The following RAB38 variants were observed in gnomAD, a reference collection of about 807,000 sequenced individuals.
RAB38 encodes ras-related protein Rab-38.
In RAB38, 15 loss-of-function variants were observed where a neutral mutation model predicts 18.4. That is an observed-to-expected ratio of 0.82 (90% confidence interval 0.55 to 1.26). The LOEUF is 1.26. Ranked by LOEUF, RAB38 falls within the 50% of genes most tolerant of loss-of-function variation. The probability of loss-of-function intolerance (pLI) is 0.00; values close to 1 mark genes in which losing one functional copy is unlikely to be tolerated. For missense variants in RAB38, 294 were observed against 267.4 expected (o/e 1.10, Z -0.69); for synonymous variants, 101 against 104.4 (o/e 0.97, Z 0.20).
chr11:87,902,621 C>A, the RAB38 span, among the ~76,000 whole-genome samples: 2 of 151,308 alleles, frequency 1.3e-5, no homozygotes, highest in African/African-American at 4.8e-5. Context: ...ATCAACAATA[C>A]CTGTGTTGAA....
chr11:87,944,903 C>G, the RAB38 span, among the ~76,000 whole-genome samples: 2 of 152,112 alleles, frequency 1.3e-5, no homozygotes, highest in Admixed American at 6.6e-5. Flanking sequence ...GGTAGAAAAT[C>G]TGACAAATCA....
At chr11:88,027,996 C>A in the RAB38 span, among the ~76,000 whole-genome samples, 1 of 152,324 alleles carries the variant, frequency 6.6e-6, no homozygotes, top group African/African-American at 2.4e-5. Flanking sequence ...GGCAGACTGA[C>A]ACCTCACTCG....
At position 88,128,149 on chromosome 11, in the gene RAB38, CTT is replaced by C. The variant is rs1266395247; in HGVS notation, c.484-14011_484-14010del. ...GGACAGGGAATTAGGAGACTTGAGT[CTT>C]AGCCCTGATGTTGCTACAAACTATC... is the stretch of plus-strand genomic sequence containing the variant. On this transcript the variant is annotated intron_variant, in intron 2 of 2. Transcript: ENST00000243662. 2.0e-5 allele frequency among the ~76,000 whole-genome samples: 3 copies of C among 152,334 alleles called. No homozygotes were observed. In the East Asian group the frequency reaches 5.8e-4, roughly 29 times the overall value.
chr11:87,855,980 T>C, the RAB38 span, among the ~76,000 whole-genome samples: 3 of 152,188 alleles, frequency 2.0e-5, no homozygotes, highest in Non-Finnish European at 2.9e-5. Context: ...CGGTGTTCCT[T>C]AAACTTTTTT....
At chr11:87,937,964 A>G in the RAB38 span, among the ~76,000 whole-genome samples, 1,094 of 146,998 alleles carry the variant, frequency 7.4e-3, 43 homozygotes, top group East Asian at 0.093. Flanking sequence ...TCTGTTGAAT[A>G]TCTTTTTTAT....
chr11:88,081,047 T>C, the RAB38 span, among the ~76,000 whole-genome samples: 9 of 151,890 alleles, frequency 5.9e-5, no homozygotes, highest in African/African-American at 1.4e-4. Context: ...ATTTAAAGAT[T>C]CTCATAATTA....
the RAB38 span, among the ~76,000 whole-genome samples, chr11:87,942,945 T>G: frequency 6.6e-6 from 1 of 152,200 alleles, no homozygotes. Context: ...CATCTTTGTT[T>G]TATTCCTTTA....
At chr11:88,158,823 C>T (rs913420169) in intron 1 of RAB38, among the ~76,000 whole-genome samples, 1 of 151,902 alleles carries the variant, frequency 6.6e-6, no homozygotes, top group African/African-American at 2.4e-5. Flanking sequence ...ACTAAAGAGG[C>T]AAAAAGTAGA....
the RAB38 span, among the ~76,000 whole-genome samples, chr11:87,837,904 A>C: frequency 2.6e-5 from 4 of 152,164 alleles, no homozygotes; most frequent in Non-Finnish European, 4.4e-5. Flanking sequence ...TTGACATATA[A>C]GATTCCAAAT....
chr11:88,072,130 T>C, the RAB38 span, among the ~76,000 whole-genome samples: 1 of 152,224 alleles, frequency 6.6e-6, no homozygotes, highest in Non-Finnish European at 1.5e-5. Flanking sequence ...CAATGATTCA[T>C]ATGCTGGAAA....
the RAB38 span, among the ~76,000 whole-genome samples, chr11:87,885,479 T>C: frequency 6.6e-6 from 1 of 152,024 alleles, no homozygotes; most frequent in African/African-American, 2.4e-5. Flanking sequence ...AAATGAACCA[T>C]GTAGCCTAGG....
intron 1 of RAB38, among the ~76,000 whole-genome samples, chr11:88,152,853 C>T (rs1943080303): frequency 6.6e-6 from 1 of 152,220 alleles, no homozygotes; most frequent in South Asian, 2.1e-4. Flanking sequence ...AAGCTCTATA[C>T]TTTGTGCTGG....
the RAB38 span, among the ~76,000 whole-genome samples, chr11:87,804,366 A>G: frequency 6.6e-6 from 1 of 152,062 alleles, no homozygotes; most frequent in Non-Finnish European, 1.5e-5. Flanking sequence ...TGTCTTCAGC[A>G]CTAGTCTTAG....
chr11:87,953,876 C>CTATT, the RAB38 span, among the ~76,000 whole-genome samples: 1 of 149,638 alleles, frequency 6.7e-6, no homozygotes, highest in South Asian at 2.1e-4. Flanking sequence ...TTTCCATTTA[C>CTATT]TATTTGTCAG....
the RAB38 span, among the ~76,000 whole-genome samples, chr11:87,968,109 A>G: frequency 6.6e-6 from 1 of 152,220 alleles, no homozygotes; most frequent in Admixed American, 6.5e-5. Flanking sequence ...TTATAACTTT[A>G]GAAAAATACA....
the RAB38 span, among the ~76,000 whole-genome samples, chr11:87,877,812 A>G: frequency 6.6e-6 from 1 of 151,262 alleles, no homozygotes; most frequent in African/African-American, 2.4e-5. Context: ...AGCCTACTTT[A>G]CTATCTGGTT....
chr11:88,056,528 G>A, the RAB38 span, among the ~76,000 whole-genome samples: 10 of 152,248 alleles, frequency 6.6e-5, no homozygotes, highest in South Asian at 4.1e-4. Context: ...TGAGGGGCCC[G>A]GCGCAGTGGC....
the RAB38 span, among the ~76,000 whole-genome samples, chr11:87,951,645 A>C: frequency 2.4e-4 from 36 of 152,060 alleles, no homozygotes; most frequent in East Asian, 6.6e-3. Context: ...GGTCTGTTGG[A>C]GTTTGCTAGA....
the RAB38 span, among the ~76,000 whole-genome samples, chr11:88,025,166 T>C: frequency 6.6e-6 from 1 of 151,356 alleles, no homozygotes; most frequent in African/African-American, 2.4e-5. Context: ...TGTGTAGTAT[T>C]CCATCATATA....
Sources: gnomAD v4.1 joint callset for allele counts (sites outside exome capture counted in the v4.1 genomes callset) on GRCh38, gnomAD v4.1.1 for gene constraint, MANE v1.5 for transcripts, NCBI Gene and HGNC (gene_info 2026-07-23, HGNC 2026-07-21) for gene names.